The following NEMP2 variants were observed in gnomAD, a reference collection of about 807,000 sequenced individuals.
NEMP2 encodes nuclear envelope integral membrane protein 2.
In NEMP2, 53 loss-of-function variants were observed where a neutral mutation model predicts 54.2. That is an observed-to-expected ratio of 0.98 (90% CI 0.78 to 1.23). The LOEUF (loss-of-function observed/expected upper bound fraction) is 1.23. NEMP2 is among the 50% of genes most tolerant of loss of function. The pLI is 0.00. For missense variants in NEMP2, 455 were observed against 511.3 expected (o/e 0.89, Z 1.06); for synonymous variants, 197 against 190.3 (o/e 1.04, Z -0.29).
Position 190,513,777 on chromosome 2 carries a change from T to C in NEMP2, c.953+676A>G, listed in dbSNP as rs1425836372. ...CCAGGAAAGCTCTCCTGGCTTTCTC[T>C]ATATACCCTTAGTTCCTGGGCAAGT... On this transcript the variant is annotated intron_variant, in intron 7 of 8. Coordinates refer to ENST00000409150, the MANE Select transcript of NEMP2 (RefSeq NM_001142645.2). The surrounding 1 kb of genome is among the most constrained non-coding windows in gnomAD (Gnocchi z 5.3). 3.3e-5 allele frequency among the ~76,000 whole-genome samples: 5 copies of C among 152,236 alleles called. No individual in the cohort carries two copies. Among genetic ancestry groups the C allele is most frequent in the Non-Finnish European group, 7.3e-5 (5 of 68,034 alleles).
At chr2:190,495,294 A>C in the NEMP2 span, among the ~76,000 whole-genome samples, 1 of 152,208 alleles carries the variant, frequency 6.6e-6, no homozygotes, top group South Asian at 2.1e-4. The surrounding 1 kb of genome is among the most constrained non-coding windows in gnomAD (Gnocchi z 4.7). Context: ...CTAACCAAGG[A>C]GCTGAAAGAC....
chr2:190,518,778 A>G lies in NEMP2; in HGVS notation c.476T>C (p.Val159Ala). The change falls in exon 4 of 9, where the codon GTG becomes GCG. Residue 159 changes from valine to alanine, a missense_variant. Val to Ala is a moderately conservative substitution (Grantham distance 64). This residue lies in a region of NEMP2 where 294 missense variants were observed against 333.6 expected (regional missense o/e 0.88). Transcript: ENST00000409150. ...IMDFKLFLVF[V>A]AGVFLFFYAR... ...ATAAAAGAAAAGAAAAACTCCTGCC[A>G]CAAACACAAGGAAGAGTTTGAAATC... is the stretch of plus-strand genomic sequence containing the variant. The G allele has an allele frequency of 6.5e-7, 1 of 1,547,178 alleles. No individual in the cohort carries two copies. Among genetic ancestry groups the G allele is most frequent in the Non-Finnish European group, 8.7e-7 (1 of 1,146,052 alleles).
rs1174301167 is a variant in NEMP2, at chr2:190,505,511, T to C, written c.*3678A>G. The C allele has an allele frequency of 6.6e-6, 1 of 152,202 alleles. No homozygotes were observed. Among genetic ancestry groups the C allele is most frequent in the Non-Finnish European group, 1.5e-5 (1 of 68,040 alleles). The allele number at this position is 152,202 out of a possible 1,614,324, so 9.4% of individuals were successfully genotyped here. On this transcript the variant is annotated 3_prime_UTR_variant, in exon 9 of 9. Coordinates refer to ENST00000409150, the MANE Select transcript of NEMP2 (RefSeq NM_001142645.2). The surrounding 1 kb of genome is among the most constrained non-coding windows in gnomAD (Gnocchi z 5.8). ...AAACGACCAAATCTAAAAAAACAGA[T>C]GCCTCAAATTATTTAAATAATAGAG...
At chr2:190,577,730 G>C in the NEMP2 span, among the ~76,000 whole-genome samples, 1 of 152,232 alleles carries the variant, frequency 6.6e-6, no homozygotes. This position sits in a 1 kb window ranked among gnomAD's most constrained non-coding sequence, Gnocchi z 4.8. Context: ...ACAAAAAGCC[G>C]GGTGTGATGG....
chr2:190,569,711 C>T, the NEMP2 span, among the ~76,000 whole-genome samples: 1 of 152,208 alleles, frequency 6.6e-6, no homozygotes, highest in Admixed American at 6.5e-5. Context: ...AAAAGGAATA[C>T]TTAGTGTACA....
chr2:190,574,184 C>T, the NEMP2 span, among the ~76,000 whole-genome samples: 1 of 152,152 alleles, frequency 6.6e-6, no homozygotes, highest in East Asian at 1.9e-4. Context: ...TGCAACAAAA[C>T]CTCTATTTTC....
At chr2:190,437,569 C>G in the NEMP2 span, 1 of 1,607,194 alleles carries the variant, frequency 6.2e-7, no homozygotes, top group Non-Finnish European at 8.5e-7. This position sits in a 1 kb window ranked among gnomAD's most constrained non-coding sequence, Gnocchi z 5.9. Context: ...CAGGTAAGAA[C>G]ATGCTTACGA....
the NEMP2 span, chr2:190,488,787 C>T: frequency 6.3e-7 from 1 of 1,599,456 alleles, no homozygotes. This position sits in a 1 kb window ranked among gnomAD's most constrained non-coding sequence, Gnocchi z 6.4. Context: ...GATGTGGTGC[C>T]ATGATCGGAG....
the NEMP2 span, among the ~76,000 whole-genome samples, chr2:190,569,607 A>T: frequency 6.6e-6 from 1 of 152,188 alleles, no homozygotes; most frequent in African/African-American, 2.4e-5. Flanking sequence ...CCTCTTACAG[A>T]TAAAACTTGG....
chr2:190,515,373 C>T (rs1035946655), intron 6 of NEMP2, among the ~76,000 whole-genome samples: 8 of 152,174 alleles, frequency 5.3e-5, no homozygotes, highest in Non-Finnish European at 1.2e-4. Context: ...GAAAAAAGAA[C>T]TGCTACGGAT....
chr2:190,630,709 CTT>C, the NEMP2 span, among the ~76,000 whole-genome samples: 1 of 152,092 alleles, frequency 6.6e-6, no homozygotes, highest in African/African-American at 2.4e-5. The surrounding 1 kb of genome is among the most constrained non-coding windows in gnomAD (Gnocchi z 5.5). Flanking sequence ...GCTATTATCA[CTT>C]ATAAAAATGT....
At chr2:190,433,441 G>A in the NEMP2 span, 1 of 152,134 alleles carries the variant, frequency 6.6e-6, no homozygotes, top group South Asian at 2.1e-4. The surrounding 1 kb of genome is among the most constrained non-coding windows in gnomAD (Gnocchi z 4.5). Context: ...CAAAAGATTG[G>A]ATTTTGCTTA....
At chr2:190,585,342 G>A in the NEMP2 span, among the ~76,000 whole-genome samples, 1 of 152,164 alleles carries the variant, frequency 6.6e-6, no homozygotes, top group Non-Finnish European at 1.5e-5. The surrounding 1 kb of genome is among the most constrained non-coding windows in gnomAD (Gnocchi z 5.3). Context: ...TTCAATGGGT[G>A]CCCCTGAATT....
the NEMP2 span, among the ~76,000 whole-genome samples, chr2:190,486,815 G>A: frequency 3.3e-5 from 5 of 152,298 alleles, 1 homozygote; most frequent in South Asian, 1.0e-3. Context: ...GGAACCAGAT[G>A]ATTTCTTAAT....
the NEMP2 span, among the ~76,000 whole-genome samples, chr2:190,560,410 A>T: frequency 3.9e-5 from 6 of 152,162 alleles, no homozygotes; most frequent in Admixed American, 3.9e-4. This position sits in a 1 kb window ranked among gnomAD's most constrained non-coding sequence, Gnocchi z 5.4. Context: ...CTCTCATCTC[A>T]GTGTGTTAAA....
chr2:190,585,003 G>GC, the NEMP2 span, among the ~76,000 whole-genome samples: 1 of 152,214 alleles, frequency 6.6e-6, no homozygotes, highest in Admixed American at 6.5e-5. This position sits in a 1 kb window ranked among gnomAD's most constrained non-coding sequence, Gnocchi z 5.3. Flanking sequence ...CAGTTGGAAA[G>GC]CTTGGTTACT....
chr2:190,631,464 A>G, the NEMP2 span, among the ~76,000 whole-genome samples: 19 of 152,236 alleles, frequency 1.2e-4, no homozygotes, highest in Admixed American at 8.5e-4. Context: ...CAATGTAAAA[A>G]AAACTTTATA....
the NEMP2 span, among the ~76,000 whole-genome samples, chr2:190,582,275 G>A: frequency 6.6e-6 from 1 of 152,222 alleles, no homozygotes; most frequent in Non-Finnish European, 1.5e-5. This position sits in a 1 kb window ranked among gnomAD's most constrained non-coding sequence, Gnocchi z 4.6. Context: ...CTGGAATCAA[G>A]AGCTAGTTTT....
At chr2:190,435,009 T>C in the NEMP2 span, among the ~76,000 whole-genome samples, 2 of 152,168 alleles carry the variant, frequency 1.3e-5, no homozygotes, top group Non-Finnish European at 2.9e-5. Flanking sequence ...GTGCTCCTTA[T>C]GAGAACCTAA....
Sources: gnomAD v4.1 joint callset for allele counts (sites outside exome capture counted in the v4.1 genomes callset) on GRCh38, gnomAD v4.1.1 for gene constraint, gnomAD v4.1.1 regional missense constraint, Gnocchi (gnomAD v3.1) non-coding constraint, MANE v1.5 for transcripts, NCBI Gene and HGNC (gene_info 2026-07-23, HGNC 2026-07-21) for gene names.